KMT2C: variants seen among roughly 807,000 people sequenced by gnomAD.
KMT2C encodes the protein lysine methyltransferase 2C, also known as histone-lysine N-methyltransferase 2C.
A neutral mutation model predicts 507.9 loss-of-function variants in KMT2C; 88 were observed. The observed-to-expected ratio is 0.17, with a 90% CI of 0.15 to 0.21. KMT2C has a LOEUF of 0.21. Ranked by LOEUF, KMT2C falls within the 10% of genes least tolerant of loss-of-function variation. The pLI is 1.00. For missense variants in KMT2C, 4,954 were observed against 5,957.8 expected (o/e 0.83, Z 5.55); for synonymous variants, 2,049 against 2,080.8 (o/e 0.98, Z 0.42).
rs970770952 is a variant in KMT2C, at chr7:152,163,313, G to C, written c.10264C>G (p.Gln3422Glu). 4 of 1,614,154 alleles carry C rather than the reference G, an allele frequency of 2.5e-6. No homozygotes were observed. Among genetic ancestry groups the C allele is most frequent in the Non-Finnish European group, 3.4e-6 (4 of 1,180,020 alleles). The change falls in exon 43 of 59, where the codon CAA (glutamine) becomes GAA (glutamate). Residue 3422 changes from glutamine (Q) to glutamate (E), a missense_variant. Around this residue, in one of 29 missense-constraint regions of KMT2C, gnomAD observed 801 missense variants for 751.2 expected, o/e 1.07. Transcript: ENST00000262189. ...RIQLMQEVDR[Q>E]RALQQRMEME... The stretch of plus-strand genomic sequence containing the variant: ...TCCATCCTCTGCTGCAAAGCTCTTT[G>C]TCTATCTACCTCCTGCATGAGTTGG...
intron 6 of KMT2C, among the ~76,000 whole-genome samples, chr7:152,309,313 ATTT>A (rs1169487768): frequency 1.3e-4 from 17 of 129,640 alleles, no homozygotes; most frequent in Admixed American, 2.4e-4. Context: ...ACACAAATTA[ATTT>A]TTTTTTTTTT....
intron 1 of KMT2C, among the ~76,000 whole-genome samples, chr7:152,410,795 G>A (rs1475580742): frequency 2.6e-5 from 4 of 151,796 alleles, no homozygotes; most frequent in South Asian, 2.1e-4. Flanking sequence ...CCAGGAGCTC[G>A]AGGTCAGCCT....
In KMT2C at chr7:152,177,002, A is replaced by G; in HGVS notation, c.8451T>C (p.Thr2817=). 1.2e-6 allele frequency: 2 copies of G among 1,614,064 alleles called. No homozygotes were observed. Among genetic ancestry groups the G allele is most frequent in the Middle Eastern group, 1.6e-4 (1 of 6,062 alleles). Residue 2817 remains threonine (T), a synonymous_variant, in exon 38 of 59, where the codon ACT becomes ACC. Transcript: ENST00000262189. ...CTTCCGTTTTTACCTCATTGGTAAC[A>G]GTGGATTTTTTCTGTGGTGAATGTT... The part of the protein sequence containing the change: ...SDKHSPQKKS[T]VTNEVKTEVL...
chr7:152,208,973 C>T (rs2094383663), intron 23 of KMT2C, among the ~76,000 whole-genome samples: 2 of 151,052 alleles, frequency 1.3e-5, no homozygotes, highest in East Asian at 3.9e-4. Flanking sequence ...CCGTACCAGC[C>T]TGACCAACAT....
Position 152,162,382 on chromosome 7 carries a change from T to C in KMT2C, c.11195A>G (p.Glu3732Gly), listed in dbSNP as rs2092502025. Residue 3732 changes from glutamate (E) to glycine (G), a missense_variant, in exon 43 of 59, where the codon GAG (glutamate) becomes GGG (glycine). Physicochemically the swap from Glu to Gly is moderately conservative, Grantham distance 98. Around this residue, in one of 29 missense-constraint regions of KMT2C, gnomAD observed 801 missense variants for 751.2 expected, o/e 1.07. Transcript: ENST00000262189. ...ATTCTGTTCCTCCAATTTAGGCTCC[T>C]CTTGGCCTGGGCAGGACTCTGTCTC... The part of the protein sequence containing the change: ...KAETESCPGQ[E>G]EPKLEEQNGS... 6.2e-7 allele frequency: 1 copy of C among 1,614,262 alleles called. No homozygotes were observed. The highest frequency in any genetic ancestry group is 2.2e-5 in the East Asian group (1 of 44,892).
At chr7:152,232,526 C>A (rs2095151270) in intron 16 of KMT2C, among the ~76,000 whole-genome samples, 1 of 152,094 alleles carries the variant, frequency 6.6e-6, no homozygotes, top group South Asian at 2.1e-4. Context: ...TGCTTTTCAT[C>A]AGTTCAGAAA....
rs1336596174 is a variant in KMT2C at position 152,319,380 on chromosome 7, A to C, written c.390-4042T>G. Among the ~76,000 whole-genome samples the C allele has an allele frequency of 6.6e-5, 10 of 152,188 alleles. No individual in the cohort carries two copies. The East Asian group carries it at 1.7e-3, about 26-fold the overall frequency. On this transcript the variant is annotated intron_variant, in intron 3 of 58. Transcript: ENST00000262189. ...CCAGGCCATACAGCAATAGGAGCTG[A>C]GGGGACATAGTGAGAAGTGACCAGA... is the stretch of plus-strand genomic sequence containing the variant.
At chr7:152,374,431 T>A (rs1217310182) in intron 1 of KMT2C, among the ~76,000 whole-genome samples, 1 of 151,944 alleles carries the variant, frequency 6.6e-6, no homozygotes. Context: ...AAATAACAAA[T>A]ACAGTCCAAC....
At chr7:152,152,121 G>A (rs531416162) in intron 49 of KMT2C, among the ~76,000 whole-genome samples, 4 of 152,328 alleles carry the variant, frequency 2.6e-5, no homozygotes, top group Non-Finnish European at 5.9e-5. Context: ...ACAGCTAGAA[G>A]CCAAGAGGAG....
At position 152,199,395 on chromosome 7, in the gene KMT2C, A is replaced by G. The variant is rs1336212772; in HGVS notation, c.4157T>C (p.Leu1386Pro). The G allele has an allele frequency of 6.3e-7, 1 of 1,599,886 alleles. No homozygotes were observed. The highest frequency in any genetic ancestry group is 1.1e-5 in the South Asian group (1 of 87,436). The change falls in exon 27 of 59, where the codon CTG (leucine) becomes CCG (proline). Residue 1386 changes from leucine to proline, a missense_variant. Physicochemically the swap from Leu to Pro is moderately conservative, Grantham distance 98 (BLOSUM62 -3). This residue lies in a region of KMT2C where 140 missense variants were observed against 118.4 expected (regional missense o/e 1.18). Coordinates refer to ENST00000262189, the MANE Select transcript of KMT2C (RefSeq NM_170606.3). ...TAAAAGCTGAGCTCCATCTTCTGACAGATTATCTAAACTTATCTTGCTTTG... is the reference window on the plus strand; with the variant it reads ...TAAAAGCTGAGCTCCATCTTCTGACGGATTATCTAAACTTATCTTGCTTTG... ...SRQSKISLDNLSEDGAQLLYK... is the reference protein window; with the variant it reads ...SRQSKISLDNPSEDGAQLLYK...
At position 152,379,487 on chromosome 7, in the gene KMT2C, G is replaced by A. The variant is rs113081523; in HGVS notation, c.162-20812C>T. On this transcript the variant is annotated intron_variant, in intron 1 of 58. Transcript: ENST00000262189. ...CAGAAGGTGGAGGTTGCAGTGAGCC[G>A]AGATCATGCCACTGCACTCCAGCCT... 4.6e-5 allele frequency among the ~76,000 whole-genome samples: 7 copies of A among 152,036 alleles called. No homozygotes were observed. In the East Asian group the frequency reaches 5.8e-4, roughly 13 times the overall value.
chr7:152,183,511 C>G (rs1015110653), intron 34 of KMT2C, among the ~76,000 whole-genome samples: 2 of 152,166 alleles, frequency 1.3e-5, no homozygotes, highest in African/African-American at 4.8e-5. Flanking sequence ...CTCGTAATCC[C>G]AGCACTTCGG....
chr7:152,375,986 T>G (rs1221955273), intron 1 of KMT2C, among the ~76,000 whole-genome samples: 2 of 152,042 alleles, frequency 1.3e-5, no homozygotes, highest in Non-Finnish European at 2.9e-5. Flanking sequence ...CTGGCTGATT[T>G]ATTTTTTATA....
At chr7:152,221,012 T>TG (rs1253088858) in intron 22 of KMT2C, among the ~76,000 whole-genome samples, 3 of 152,178 alleles carry the variant, frequency 2.0e-5, no homozygotes, top group African/African-American at 7.2e-5. Context: ...CCCAGCACTT[T>TG]GGGGGGCCGA....
At chr7:152,340,990 T>G (rs1328234995) in intron 2 of KMT2C, among the ~76,000 whole-genome samples, 2 of 152,244 alleles carry the variant, frequency 1.3e-5, no homozygotes, top group African/African-American at 4.8e-5. Context: ...CCTACATAAC[T>G]TTTAAATGTT....
chr7:152,284,900 CAG>C (rs1415608112), intron 6 of KMT2C, among the ~76,000 whole-genome samples: 4 of 152,162 alleles, frequency 2.6e-5, no homozygotes, highest in African/African-American at 9.7e-5. Flanking sequence ...AATTTAGAAA[CAG>C]TGGCAATATC....
intron 39 of KMT2C, among the ~76,000 whole-genome samples, chr7:152,173,866 G>A (rs1242465991): frequency 6.6e-6 from 1 of 152,154 alleles, no homozygotes; most frequent in Non-Finnish European, 1.5e-5. Context: ...TGAGTAATCA[G>A]GAAATCCAAT....
At chr7:152,326,510 T>A (rs971110357) in intron 3 of KMT2C, among the ~76,000 whole-genome samples, 1 of 152,178 alleles carries the variant, frequency 6.6e-6, no homozygotes, top group Non-Finnish European at 1.5e-5. Context: ...TTTGATTTTG[T>A]TATCTAGTAA....
intron 1 of KMT2C, among the ~76,000 whole-genome samples, chr7:152,413,885 C>CAAAAAAA (rs56006056): frequency 5.3e-4 from 57 of 108,150 alleles, no homozygotes; most frequent in African/African-American, 1.7e-3. Context: ...AACTCCGTCT[C>CAAAAAAA]AAAAAAAAAA....
Sources: gnomAD v4.1 joint callset for allele counts (sites outside exome capture counted in the v4.1 genomes callset) on GRCh38, gnomAD v4.1.1 for gene constraint, gnomAD v4.1.1 regional missense constraint, MANE v1.5 for transcripts, NCBI Gene and HGNC (gene_info 2026-07-23, HGNC 2026-07-21) for gene names.